Variants in CACNG7 observed in about 807,000 individuals in gnomAD.
CACNG7 encodes the protein calcium voltage-gated channel auxiliary subunit gamma 7.
Under a neutral mutation model 26.3 loss-of-function variants are expected in CACNG7, and 9 were observed. That is an observed-to-expected ratio of 0.34 (90% CI 0.21 to 0.60). The LOEUF (loss-of-function observed/expected upper bound fraction) is 0.60. Among genes scored for constraint, CACNG7 ranks in the 20% least tolerant of loss-of-function variants. The pLI, the probability that CACNG7 is intolerant of heterozygous loss-of-function variation, is 0.81. For synonymous variants in CACNG7, 170 were observed against 157.0 expected (o/e 1.08, Z -0.62); for missense variants, 297 against 380.4 (o/e 0.78, Z 1.82).
chr19:53,921,551 T>G (rs1420601486), intron 4 of CACNG7, among the ~76,000 whole-genome samples: 215 of 130,794 alleles, frequency 1.6e-3, no homozygotes, highest in African/African-American at 7.2e-3. Flanking sequence ...TTGGTGGAGT[T>G]GCCCCAGGCT....
chr19:53,913,057 A>G (rs1356575464), intron 2 of CACNG7, 30 bp downstream of exon 2: 2 of 1,587,394 alleles, frequency 1.3e-6, no homozygotes, highest in Non-Finnish European at 8.6e-7. Context: ...TCCACTCAAC[A>G]GTTTCTGCCT....
chr19:53,940,459 C>G lies in CACNG7; in HGVS notation c.425-1011C>G, dbSNP rs531444363. On this transcript the variant is annotated intron_variant, in intron 4 of 5. Transcript: ENST00000391767. This position sits in a 1 kb window ranked among gnomAD's most constrained non-coding sequence, Gnocchi z 4.1. ...ATCCTCTTCGCCCTGGAATATGTCT[C>G]CCTCCAGTCTGTTCCCAGCATCAAC... 2.2e-4 allele frequency among the ~76,000 whole-genome samples: 34 copies of G among 152,152 alleles called. No individual in the cohort carries two copies. The highest frequency in any genetic ancestry group is 1.9e-3 in the Admixed American group (29 of 15,268).
chr19:53,933,609 G>C (rs187129653), intron 4 of CACNG7, among the ~76,000 whole-genome samples: 139 of 151,548 alleles, frequency 9.2e-4, no homozygotes, highest in Non-Finnish European at 1.6e-3. Flanking sequence ...GCCTATTCCT[G>C]TGTTTTCTTG....
intron 3 of CACNG7, among the ~76,000 whole-genome samples, chr19:53,915,123 T>G (rs2068887333): frequency 6.6e-6 from 1 of 150,974 alleles, no homozygotes; most frequent in African/African-American, 2.4e-5. Flanking sequence ...GAGCGGTCAA[T>G]CAGAAAGGGG....
At chr19:53,929,122 CA>C (rs1297562260) in intron 4 of CACNG7, among the ~76,000 whole-genome samples, 891 of 50,512 alleles carry the variant, frequency 0.018, 10 homozygotes, top group African/African-American at 0.045. Context: ...AAAAAAAAAA[CA>C]AAAAAAAAAA....
chr19:53,919,920 G>A, intron 4 of CACNG7, among the ~76,000 whole-genome samples: 1 of 132,796 alleles, frequency 7.5e-6, no homozygotes, highest in African/African-American at 3.1e-5. Flanking sequence ...CATTGGTGGA[G>A]TTGTCCCCAG....
At chr19:53,933,225 G>C (rs904964782) in intron 4 of CACNG7, among the ~76,000 whole-genome samples, 1 of 150,946 alleles carries the variant, frequency 6.6e-6, no homozygotes, top group African/African-American at 2.5e-5. Context: ...CCACCTCCTG[G>C]GTTCAAGTGA....
chr19:53,932,267 A>G (rs983313356), intron 4 of CACNG7, among the ~76,000 whole-genome samples: 8 of 150,786 alleles, frequency 5.3e-5, no homozygotes, highest in Non-Finnish European at 1.2e-4. Flanking sequence ...AAAAAAAAAA[A>G]AAAAAGAATT....
intron 4 of CACNG7, among the ~76,000 whole-genome samples, chr19:53,937,720 A>G (rs1256640513): frequency 6.6e-6 from 1 of 151,870 alleles, no homozygotes; most frequent in Non-Finnish European, 1.5e-5. Flanking sequence ...CATCCCGAGT[A>G]GCTGGGGTTA....
Position 53,940,857 on chromosome 19 carries a change from C to A in CACNG7, c.425-613C>A, listed in dbSNP as rs534091325. On this transcript the variant is annotated intron_variant, in intron 4 of 5. Coordinates refer to ENST00000391767, the MANE Select transcript of CACNG7 (RefSeq NM_031896.5). This position sits in a 1 kb window ranked among gnomAD's most constrained non-coding sequence, Gnocchi z 4.1. The stretch of plus-strand genomic sequence containing the variant: ...ATCACCTGAGGTCAGGAGTTTGAGA[C>A]CAGCCTGGCCAACATGGTGAAACCC... Among the ~76,000 whole-genome samples, 302 of 151,942 alleles carry A rather than the reference C, an allele frequency of 2.0e-3. No individual in the cohort carries two copies. Among genetic ancestry groups the A allele is most frequent in the South Asian group, 0.012 (58 of 4,824 alleles).
rs2069059597 is a variant in CACNG7, at chr19:53,929,896, T to C, written c.425-11574T>C. Among the ~76,000 whole-genome samples the C allele has an allele frequency of 5.3e-5, 8 of 152,288 alleles. No homozygotes were observed. In the South Asian group the frequency reaches 1.7e-3, roughly 32 times the overall value. ...GGCTTTTCTAGATGTTCCAGCTGCATAGCAAGTATGTTCTTCATCCATTCA... is the reference window on the plus strand; with the variant it reads ...GGCTTTTCTAGATGTTCCAGCTGCACAGCAAGTATGTTCTTCATCCATTCA... On this transcript the variant is annotated intron_variant, in intron 4 of 5. Coordinates refer to ENST00000391767, the MANE Select transcript of CACNG7 (RefSeq NM_031896.5).
At chr19:53,919,838 T>A (rs1182799652) in intron 4 of CACNG7, among the ~76,000 whole-genome samples, 1 of 132,392 alleles carries the variant, frequency 7.6e-6, no homozygotes, top group East Asian at 2.4e-4. Context: ...TGGTCATTGG[T>A]GGAGTTGCCC....
intron 4 of CACNG7, among the ~76,000 whole-genome samples, chr19:53,918,118 G>A (rs1428564920): frequency 1.3e-5 from 2 of 152,236 alleles, no homozygotes; most frequent in African/African-American, 2.4e-5. Context: ...GGTGTATAGT[G>A]GCTGAAGGCC....
chr19:53,921,957 C>T (rs746114306), intron 4 of CACNG7, among the ~76,000 whole-genome samples: 31 of 76,130 alleles, frequency 4.1e-4, no homozygotes, highest in East Asian at 9.8e-4. Flanking sequence ...GGTGGAGTTG[C>T]CCCAGGCCTG....
At chr19:53,924,604 G>GT (rs2069006586) in intron 4 of CACNG7, among the ~76,000 whole-genome samples, 1 of 138,382 alleles carries the variant, frequency 7.2e-6, no homozygotes, top group Admixed American at 7.2e-5. Flanking sequence ...TGGTGGAGTT[G>GT]CCCAGGCTGG....
At chr19:53,923,017 G>C (rs1171848531) in intron 4 of CACNG7, among the ~76,000 whole-genome samples, 1 of 108,936 alleles carries the variant, frequency 9.2e-6, no homozygotes, top group East Asian at 2.2e-4. Context: ...GTTGCCCCAG[G>C]CCTGGTCATT....
intron 4 of CACNG7, among the ~76,000 whole-genome samples, chr19:53,934,197 G>T (rs2069091127): frequency 6.6e-6 from 1 of 152,174 alleles, no homozygotes; most frequent in African/African-American, 2.4e-5. Context: ...GCTCCCAGCT[G>T]CATCTTGAAT....
rs2069136855 is a variant in CACNG7 at position 53,941,461 on chromosome 19, C to T, written c.425-9C>T. On this transcript the variant is annotated splice_polypyrimidine_tract_variant and intron_variant, in intron 4 of 5. Transcript: ENST00000391767. ...CTAATGGACGAGGGCACCCCCTCTG[C>T]TCCCCTAGGCCTCTCCTTGGTGGTG... 16 of 1,525,988 alleles carry T rather than the reference C, an allele frequency of 1.0e-5. No individual in the cohort carries two copies. The highest frequency in any genetic ancestry group is 1.4e-5 in the Non-Finnish European group (16 of 1,143,026). 94.5% of individuals were successfully genotyped at this position (1,525,988 alleles called of 1,614,324 possible).
In CACNG7 at chr19:53,922,905, C is replaced by T. The variant is rs1415491143; in HGVS notation, c.424+7400C>T. Among the ~76,000 whole-genome samples, 5 of 86,018 alleles carry T rather than the reference C, an allele frequency of 5.8e-5. 1 individual carries two copies. The highest frequency in any genetic ancestry group is 1.0e-4 in the African/African-American group (1 of 10,030). The allele number at this position is 86,018 out of a possible 152,430, so 56.4% of individuals were successfully genotyped here. A position where few individuals can be genotyped will look rare whatever the true frequency, so the allele number is the denominator to read the frequency against. On this transcript the variant is annotated intron_variant, in intron 4 of 5. Coordinates refer to ENST00000391767, the MANE Select transcript of CACNG7 (RefSeq NM_031896.5). ...CAGGCTGGTCATTGGTGGAGTTGCCCCAGGCCTGGTCATTGGTGGAGTTGT... is the reference window on the plus strand; with the variant it reads ...CAGGCTGGTCATTGGTGGAGTTGCCTCAGGCCTGGTCATTGGTGGAGTTGT...
Sources: gnomAD v4.1 joint callset for allele counts (sites outside exome capture counted in the v4.1 genomes callset) on GRCh38, gnomAD v4.1.1 for gene constraint, Gnocchi (gnomAD v3.1) non-coding constraint, MANE v1.5 for transcripts, NCBI Gene and HGNC (gene_info 2026-07-23, HGNC 2026-07-21) for gene names.